Variants in INPP4B observed in about 807,000 individuals in gnomAD.
INPP4B encodes the protein inositol polyphosphate-4-phosphatase type II B, also known as inositol polyphosphate 4-phosphatase type II.
Under a neutral mutation model 122.5 loss-of-function variants are expected in INPP4B, and 55 were observed. The ratio of observed to expected loss-of-function variants is 0.45; its 90% CI spans 0.36 to 0.56. The LOEUF is 0.56. Ranked by LOEUF, INPP4B falls within the 20% of genes least tolerant of loss-of-function variation. INPP4B has a pLI of 0.00. For missense variants in INPP4B, 1,000 were observed against 1,097.7 expected (o/e 0.91, Z 1.26); for synonymous variants, 403 against 388.7 (o/e 1.04, Z -0.43).
At chr4:142,453,471 T>C (rs957648079) in intron 3 of INPP4B, among the ~76,000 whole-genome samples, 1 of 152,162 alleles carries the variant, frequency 6.6e-6, no homozygotes, top group Non-Finnish European at 1.5e-5. Context: ...AATTTAACAT[T>C]TCAAAGTAAG....
intron 7 of INPP4B, among the ~76,000 whole-genome samples, chr4:142,357,111 T>C (rs1439058209): frequency 6.6e-6 from 1 of 151,978 alleles, no homozygotes; most frequent in African/African-American, 2.4e-5. Flanking sequence ...AAAATATCCT[T>C]TGTGATAAAT....
rs544850334 is a variant in INPP4B, at chr4:142,519,070, G to T, written c.-190-56344C>A. On this transcript the variant is annotated intron_variant, in intron 2 of 25. Transcript: ENST00000262992. ...TTTTACTCTATACAAGGTTTATGTCGTATGTGTATATATCCTTTCTGCCAC... is the reference window on the plus strand; with the variant it reads ...TTTTACTCTATACAAGGTTTATGTCTTATGTGTATATATCCTTTCTGCCAC... 5 of 152,094 alleles carry T rather than the reference G, an allele frequency of 3.3e-5. No individual in the cohort carries two copies. The East Asian group carries it at 9.7e-4, about 29-fold the overall frequency. The allele number at this position is 152,094 out of a possible 1,614,324, so 9.4% of individuals were successfully genotyped here. A position where few individuals can be genotyped will look rare whatever the true frequency, so the allele number is the denominator to read the frequency against.
At chr4:142,802,916 TC>T (rs547704250) in intron 1 of INPP4B, among the ~76,000 whole-genome samples, 285 of 152,084 alleles carry the variant, frequency 1.9e-3, no homozygotes, top group African/African-American at 6.4e-3. Flanking sequence ...ATCCCTTTAA[TC>T]CCAGCACTTT....
rs1033239686 is a variant in INPP4B at position 142,624,114 on chromosome 4, T to G, written c.-191+101725A>C. Among the ~76,000 whole-genome samples the G allele has an allele frequency of 4.5e-4, 68 of 150,390 alleles. 1 individual carries two copies. The highest frequency in any genetic ancestry group is 1.3e-3 in the Admixed American group (20 of 15,114). The stretch of plus-strand genomic sequence containing the variant: ...TGGGATGGCTGGGTCAAATGGTATT[T>G]CTAGTTCTAGATCTCTGAGGAATCG... On this transcript the variant is annotated intron_variant, in intron 2 of 25. Coordinates refer to ENST00000262992, the MANE Select transcript of INPP4B (RefSeq NM_001101669.3).
chr4:142,641,032 G>A (rs1417213252), intron 2 of INPP4B, among the ~76,000 whole-genome samples: 4 of 152,042 alleles, frequency 2.6e-5, no homozygotes, highest in African/African-American at 9.7e-5. Context: ...TGCTAACGTT[G>A]CAGGTAAACA....
intron 9 of INPP4B, among the ~76,000 whole-genome samples, chr4:142,297,424 G>A (rs1270185065): frequency 1.3e-5 from 2 of 152,176 alleles, no homozygotes; most frequent in African/African-American, 4.8e-5. Flanking sequence ...AGGGCCTGGT[G>A]GGAGGTGTTG....
At chr4:142,439,045 C>T (rs1391470797) in intron 3 of INPP4B, among the ~76,000 whole-genome samples, 2 of 152,128 alleles carry the variant, frequency 1.3e-5, no homozygotes, top group African/African-American at 4.8e-5. Flanking sequence ...CATCAAGAGA[C>T]CTGCTGTGAG....
At chr4:142,202,847 A>C (rs1327392150) in intron 14 of INPP4B, 1 of 834,812 alleles carries the variant, frequency 1.2e-6, no homozygotes, top group Admixed American at 6.2e-5. Context: ...AACTAAGGGC[A>C]AGCCCATTCA....
At chr4:142,500,624 G>T (rs1382588313) in intron 2 of INPP4B, among the ~76,000 whole-genome samples, 1 of 152,148 alleles carries the variant, frequency 6.6e-6, no homozygotes, top group Non-Finnish European at 1.5e-5. Context: ...GGGCATTTAG[G>T]TTGTTTCCAC....
chr4:142,683,814 T>C (rs1481534568), intron 2 of INPP4B, among the ~76,000 whole-genome samples: 1 of 151,648 alleles, frequency 6.6e-6, no homozygotes, highest in Non-Finnish European at 1.5e-5. Context: ...AGGTATAAGG[T>C]GATTTAAAAA....
At chr4:142,445,595 C>T (rs928907508) in intron 3 of INPP4B, among the ~76,000 whole-genome samples, 9 of 152,146 alleles carry the variant, frequency 5.9e-5, no homozygotes, top group Admixed American at 5.2e-4. Flanking sequence ...GACAAATCCA[C>T]AATACTTGAG....
At chr4:142,500,642 C>A (rs1163723785) in intron 2 of INPP4B, among the ~76,000 whole-genome samples, 1 of 152,138 alleles carries the variant, frequency 6.6e-6, no homozygotes, top group Non-Finnish European at 1.5e-5. Context: ...CACACCTTGG[C>A]TATTGTGATA....
intron 1 of INPP4B, among the ~76,000 whole-genome samples, chr4:142,841,852 G>A (rs1010849177): frequency 4.6e-5 from 7 of 151,768 alleles, no homozygotes; most frequent in Admixed American, 6.6e-5. Flanking sequence ...TGTGTATCTC[G>A]CAAACTTTTC....
At chr4:142,668,915 C>T (rs1027951437) in intron 2 of INPP4B, among the ~76,000 whole-genome samples, 25 of 151,644 alleles carry the variant, frequency 1.6e-4, no homozygotes, top group African/African-American at 5.1e-4. Context: ...ATTAGCCGGG[C>T]GTGGTGGTGG....
At position 142,386,723 on chromosome 4, in the gene INPP4B, C is replaced by T. The variant is rs368518840; in HGVS notation, c.372+16215G>A. 1.2e-4 allele frequency among the ~76,000 whole-genome samples: 18 copies of T among 152,336 alleles called. No individual in the cohort carries two copies. The East Asian group carries it at 2.3e-3, about 20-fold the overall frequency. Reference sequence around the variant, plus strand: ...AATCTTTTTCCACTATGTGGCTCCACTGGCATCTCTCTAAATCTACTGTGA... The same window carrying T: ...AATCTTTTTCCACTATGTGGCTCCATTGGCATCTCTCTAAATCTACTGTGA... On this transcript the variant is annotated intron_variant, in intron 7 of 25. Transcript: ENST00000262992.
At chr4:142,279,347 A>T (rs1277660905) in intron 9 of INPP4B, among the ~76,000 whole-genome samples, 2 of 151,880 alleles carry the variant, frequency 1.3e-5, no homozygotes, top group Non-Finnish European at 2.9e-5. Context: ...TGGAAAAAAT[A>T]AAATGAAGGA....
intron 17 of INPP4B, among the ~76,000 whole-genome samples, chr4:142,157,443 A>C (rs1817834028): frequency 6.6e-6 from 1 of 152,140 alleles, no homozygotes; most frequent in Admixed American, 6.5e-5. Flanking sequence ...ATTAGAAGTA[A>C]CTTTTCTGAG....
At chr4:142,717,943 C>T (rs139427809) in intron 2 of INPP4B, among the ~76,000 whole-genome samples, 99 of 146,118 alleles carry the variant, frequency 6.8e-4, no homozygotes, top group African/African-American at 2.4e-3. Context: ...CCCTTGTACA[C>T]TCTTCTGTCT....
intron 2 of INPP4B, among the ~76,000 whole-genome samples, chr4:142,469,352 A>G (rs1284379777): frequency 1.3e-5 from 2 of 152,124 alleles, no homozygotes; most frequent in East Asian, 1.9e-4. Context: ...AAGGAAAATT[A>G]TAAGAAGCTA....
Sources: gnomAD v4.1 joint callset for allele counts (sites outside exome capture counted in the v4.1 genomes callset) on GRCh38, gnomAD v4.1.1 for gene constraint, MANE v1.5 for transcripts, NCBI Gene and HGNC (gene_info 2026-07-23, HGNC 2026-07-21) for gene names.